Variants in CALN1 observed in about 807,000 individuals in gnomAD.
The protein encoded by CALN1 is calneuron 1.
CALN1 carries 17 observed loss-of-function variants against 30.6 expected under a neutral mutation model. The ratio of observed to expected loss-of-function variants is 0.56; its 90% CI spans 0.38 to 0.83. The LOEUF (loss-of-function observed/expected upper bound fraction) is 0.83. CALN1 is among the 40% of genes least tolerant of loss of function. CALN1 has a pLI of 0.00. For synonymous variants in CALN1, 156 were observed against 131.4 expected (o/e 1.19, Z -1.28); for missense variants, 291 against 354.9 (o/e 0.82, Z 1.45).
chr7:72,364,395 T>C (rs561645250), intron 2 of CALN1, among the ~76,000 whole-genome samples: 1 of 152,336 alleles, frequency 6.6e-6, no homozygotes, highest in African/African-American at 2.4e-5. Context: ...ATTACAACTA[T>C]AGATGTATCT....
intron 5 of CALN1, among the ~76,000 whole-genome samples, chr7:71,941,053 T>C (rs889376822): frequency 6.6e-5 from 10 of 152,138 alleles, no homozygotes; most frequent in Non-Finnish European, 1.2e-4. Context: ...TATATCAATA[T>C]TATGAATTTC....
At chr7:72,218,519 C>G (rs1175508089) in intron 3 of CALN1, among the ~76,000 whole-genome samples, 1 of 152,018 alleles carries the variant, frequency 6.6e-6, no homozygotes, top group African/African-American at 2.4e-5. Flanking sequence ...AGCTCAGTAG[C>G]CTGTTATTGT....
intron 5 of CALN1, among the ~76,000 whole-genome samples, chr7:71,838,201 T>C (rs1218339418): frequency 6.6e-6 from 1 of 152,236 alleles, no homozygotes; most frequent in Non-Finnish European, 1.5e-5. Flanking sequence ...AAATATAGCA[T>C]ATGATTTCCC....
At chr7:72,344,840 A>G (rs1302545403) in intron 2 of CALN1, among the ~76,000 whole-genome samples, 2 of 147,680 alleles carry the variant, frequency 1.4e-5, no homozygotes, top group East Asian at 1.9e-4. Context: ...ATTAAAAAAT[A>G]TAAGTATATA....
chr7:72,124,530 T>C (rs1012731768), intron 3 of CALN1, among the ~76,000 whole-genome samples: 1 of 152,020 alleles, frequency 6.6e-6, no homozygotes, highest in South Asian at 2.1e-4. Flanking sequence ...TGCGTGCCTG[T>C]AGTCCCAGCT....
chr7:72,360,865 A>T (rs1269065396), intron 2 of CALN1, among the ~76,000 whole-genome samples: 1 of 151,524 alleles, frequency 6.6e-6, no homozygotes, highest in African/African-American at 2.4e-5. Context: ...CATAGCTGAG[A>T]TTACAGGTGC....
chr7:71,904,571 T>C (rs1794029520), intron 5 of CALN1, among the ~76,000 whole-genome samples: 1 of 152,104 alleles, frequency 6.6e-6, no homozygotes, highest in Admixed American at 6.5e-5. Flanking sequence ...GATGGGGAGA[T>C]ACTGGTGAAA....
At chr7:71,940,866 C>A (rs973879221) in intron 5 of CALN1, among the ~76,000 whole-genome samples, 2 of 152,150 alleles carry the variant, frequency 1.3e-5, no homozygotes, top group African/African-American at 2.4e-5. Flanking sequence ...CCCGCTTCAG[C>A]CTCCCAAGGT....
At chr7:72,270,589 T>A (rs569315462) in intron 3 of CALN1, among the ~76,000 whole-genome samples, 1 of 151,704 alleles carries the variant, frequency 6.6e-6, no homozygotes, top group East Asian at 1.9e-4. Flanking sequence ...CTGGGCAACA[T>A]AGTGACACCC....
At chr7:72,439,582 C>T (rs1015065246) in intron 1 of CALN1, among the ~76,000 whole-genome samples, 17 of 143,732 alleles carry the variant, frequency 1.2e-4, no homozygotes, top group Admixed American at 7.0e-5. Context: ...GTCGTTTATT[C>T]TTTTTTTTTT....
At chr7:72,075,160 A>G (rs1372920289) in intron 4 of CALN1, among the ~76,000 whole-genome samples, 1 of 152,170 alleles carries the variant, frequency 6.6e-6, no homozygotes, top group Non-Finnish European at 1.5e-5. Context: ...AAGTCAGGGG[A>G]CGGTCAGCCC....
At chr7:72,502,283 C>T in the CALN1 span, among the ~76,000 whole-genome samples, 2 of 150,072 alleles carry the variant, frequency 1.3e-5, no homozygotes, top group Non-Finnish European at 3.0e-5. Context: ...AAGGGATTGG[C>T]TTTAAAATCT....
intron 3 of CALN1, among the ~76,000 whole-genome samples, chr7:72,148,837 G>A (rs1296604197): frequency 6.6e-6 from 1 of 151,864 alleles, no homozygotes; most frequent in East Asian, 1.9e-4. Flanking sequence ...CCCTGAGATG[G>A]AGGTTGCAGT....
At chr7:71,957,082 A>T (rs1460926854) in intron 5 of CALN1, among the ~76,000 whole-genome samples, 1 of 152,010 alleles carries the variant, frequency 6.6e-6, no homozygotes. Context: ...TGAAAGCGAA[A>T]TGAGACACCG....
intron 3 of CALN1, among the ~76,000 whole-genome samples, chr7:72,123,367 A>AG (rs1448202120): frequency 6.6e-6 from 1 of 152,176 alleles, no homozygotes; most frequent in Non-Finnish European, 1.5e-5. Context: ...TGGGAGTTGG[A>AG]GGAACTGGTT....
At chr7:71,804,965 TAAATA>T (rs948246755) in intron 6 of CALN1, among the ~76,000 whole-genome samples, 2 of 151,990 alleles carry the variant, frequency 1.3e-5, no homozygotes, top group African/African-American at 2.4e-5. Flanking sequence ...AAAAAAAATA[TAAATA>T]AAATAAAAAA....
chr7:72,227,405 T>C (rs7808347), intron 3 of CALN1, among the ~76,000 whole-genome samples: 80,922 of 151,500 alleles, frequency 0.53, 21,801 homozygotes, highest in South Asian at 0.65. Context: ...CTGGGAGTGG[T>C]GACGGGCGCC....
At chr7:71,924,091 G>T (rs1386363628) in intron 5 of CALN1, among the ~76,000 whole-genome samples, 1 of 151,758 alleles carries the variant, frequency 6.6e-6, no homozygotes, top group Admixed American at 6.6e-5. Flanking sequence ...TACTCGCGGG[G>T]CTGACGCAGG....
chr7:71,876,654 C>A (rs1384660431), intron 5 of CALN1, among the ~76,000 whole-genome samples: 3 of 152,066 alleles, frequency 2.0e-5, no homozygotes, highest in South Asian at 2.1e-4. Flanking sequence ...AGAGGAATGA[C>A]CCCGGGTGTC....
Sources: gnomAD v4.1 joint callset for allele counts (sites outside exome capture counted in the v4.1 genomes callset) on GRCh38, gnomAD v4.1.1 for gene constraint, MANE v1.5 for transcripts, NCBI Gene and HGNC (gene_info 2026-07-23, HGNC 2026-07-21) for gene names.